Variants in GABPA observed in about 807,000 individuals in gnomAD.
The protein encoded by GABPA is GA binding protein transcription factor subunit alpha.
A neutral mutation model predicts 59.4 loss-of-function variants in GABPA; 4 were observed. The ratio of observed to expected loss-of-function variants is 0.07; its 90% CI spans 0.03 to 0.15. The LOEUF (loss-of-function observed/expected upper bound fraction) is 0.15, where lower values mean the gene tolerates loss of function less well. GABPA is among the 10% of genes least tolerant of loss of function. The pLI is 1.00. For synonymous variants in GABPA, 164 were observed against 183.1 expected, an observed-to-expected ratio of 0.90 and a Z score of 0.84; for missense variants, 251 against 543.8, an observed-to-expected ratio of 0.46 and a Z score of 5.36.
intron 3 of GABPA, among the ~76,000 whole-genome samples, chr21:25,748,704 G>A (rs893089385): frequency 4.6e-5 from 7 of 152,130 alleles, no homozygotes; most frequent in Non-Finnish European, 1.0e-4. Context: ...ATTCATGACA[G>A]ATATAGCATT....
chr21:25,752,277 T>C (rs763516727), intron 5 of GABPA, 43 bp downstream of exon 5: 1 of 1,591,024 alleles, frequency 6.3e-7, no homozygotes, highest in East Asian at 2.2e-5. Flanking sequence ...ATAATAGGAA[T>C]TAAGCTTGAC....
intron 2 of GABPA, among the ~76,000 whole-genome samples, chr21:25,743,491 T>C (rs2035277889): frequency 6.6e-6 from 1 of 152,114 alleles, no homozygotes; most frequent in Non-Finnish European, 1.5e-5. Context: ...TGGTAATTAA[T>C]ATGTATGACC....
intron 5 of GABPA, among the ~76,000 whole-genome samples, chr21:25,757,475 A>G (rs950382585): frequency 2.6e-5 from 4 of 152,220 alleles, no homozygotes; most frequent in Non-Finnish European, 5.9e-5. Context: ...GGGACAGCTG[A>G]GTAAAACAGG....
Position 25,735,052 on chromosome 21 carries a change from C to T in GABPA, c.-553C>T. 7.7e-7 allele frequency: 1 copy of T among 1,301,594 alleles called. No homozygotes were observed. Among genetic ancestry groups the T allele is most frequent in the Middle Eastern group, 1.8e-4 (1 of 5,514 alleles). 80.6% of individuals were successfully genotyped at this position (1,301,594 alleles called of 1,614,324 possible). ...GGGTCTAGGTGAGACAGAAGCCAAA[C>T]AGGAGGAGGAAGTGGAGGGTAAGTG... is the stretch of plus-strand genomic sequence containing the variant. On this transcript the variant is annotated 5_prime_UTR_variant, in exon 1 of 10. Transcript: ENST00000400075.
chr21:25,757,977 G>A (rs752964663), intron 5 of GABPA, 33 bp from the exon 6 acceptor site: 16 of 1,371,380 alleles, frequency 1.2e-5, no homozygotes, highest in Non-Finnish European at 1.5e-5. Flanking sequence ...ATCTAAAATG[G>A]AACTAGGCTA....
chr21:25,758,790 G>A (rs544185675), intron 6 of GABPA, among the ~76,000 whole-genome samples: 1 of 152,260 alleles, frequency 6.6e-6, no homozygotes, highest in Admixed American at 6.5e-5. Context: ...AACTTGTAAG[G>A]CTTCAGACAT....
Position 25,745,253 on chromosome 21 carries a change from G to T in GABPA, c.121G>T (p.Ala41Ser). ...CGCGCCAGCTGAATGTGTAAGCCAG[G>T]CCATAGACATCAATGAACCAATAGG... ...TYAPAECVSQ[A>S]IDINEPIGNL... The change falls in exon 3 of 10, where the codon GCC (alanine) becomes TCC (serine). Residue 41 changes from alanine (A) to serine (S), a missense_variant. By Grantham distance (99) the Ala-to-Ser change is moderately conservative (BLOSUM62 1). Around this residue, in one of 4 missense-constraint regions of GABPA, gnomAD observed 207 missense variants for 366.7 expected, o/e 0.56. Transcript: ENST00000400075. The T allele has an allele frequency of 6.2e-7, 1 of 1,613,954 alleles. No individual in the cohort carries two copies. Among genetic ancestry groups the T allele is most frequent in the Non-Finnish European group, 8.5e-7 (1 of 1,179,918 alleles).
At chr21:25,751,841 C>T (rs2035520546) in intron 4 of GABPA, 148 bp from the exon 5 acceptor site, 2 of 725,704 alleles carry the variant, frequency 2.8e-6, no homozygotes, top group Admixed American at 3.0e-5. Context: ...ATATCCTTCA[C>T]CCAGATTCCC....
chr21:25,746,978 T>G (rs186284599), intron 3 of GABPA, among the ~76,000 whole-genome samples: 5 of 152,316 alleles, frequency 3.3e-5, no homozygotes. Context: ...CAAGGTACGT[T>G]GAGTGAAAAA....
At chr21:25,749,158 C>A (rs369553870) in intron 4 of GABPA, 38 bp downstream of exon 4, 1 of 1,208,696 alleles carries the variant, frequency 8.3e-7, no homozygotes, top group Non-Finnish European at 1.2e-6. Flanking sequence ...AAAATTTTAG[C>A]TCATGTTTTT....
At chr21:25,762,891 C>G (rs553159814) in intron 7 of GABPA, 1 of 267,172 alleles carries the variant, frequency 3.7e-6, no homozygotes, top group East Asian at 9.8e-5. Flanking sequence ...TGTATACATT[C>G]TAATGGATCA....
chr21:25,769,016 T>C lies in GABPA; in HGVS notation c.1149T>C (p.Asp383=), dbSNP rs578177390. Residue 383 remains aspartate, a synonymous_variant, in exon 10 of 10, where the codon GAT becomes GAC. Coordinates refer to ENST00000400075, the MANE Select transcript of GABPA (RefSeq NM_002040.4). The part of the protein sequence containing the change: ...KLSRALRYYY[D]GDMICKVQGK... ...TCTCTTTTTGAAGATATTATTACGA[T>C]GGGGACATGATTTGTAAAGTTCAAG... 3.5e-5 allele frequency: 56 copies of C among 1,610,086 alleles called. No homozygotes were observed. The South Asian group carries it at 4.6e-4, about 13-fold the overall frequency.
chr21:25,745,337 T>C lies in GABPA; in HGVS notation c.205T>C (p.Cys69Arg), dbSNP rs2035334320. ...LQCSLDAHEICLQDIQLDPER... is the reference protein window; with the variant it reads ...LQCSLDAHEIRLQDIQLDPER... ...GTGTTCTTTGGATGCTCATGAAATTTGTCTGCAAGATATCCAGGTAATTTT... is the reference window on the plus strand; with the variant it reads ...GTGTTCTTTGGATGCTCATGAAATTCGTCTGCAAGATATCCAGGTAATTTT... The change falls in exon 3 of 10, where the codon TGT becomes CGT. Residue 69 changes from cysteine to arginine, a missense_variant. Physicochemically the swap from Cys to Arg is radical, Grantham distance 180. Transcript: ENST00000400075. The C allele has an allele frequency of 1.2e-6, 2 of 1,611,570 alleles. No homozygotes were observed. The highest frequency in any genetic ancestry group is 1.3e-5 in the African/African-American group (1 of 74,736).
intron 3 of GABPA, among the ~76,000 whole-genome samples, chr21:25,748,355 G>A (rs2035421357): frequency 6.6e-6 from 1 of 152,186 alleles, no homozygotes; most frequent in South Asian, 2.1e-4. Flanking sequence ...AATTATGCAA[G>A]ATGATTATAA....
At chr21:25,738,441 G>C (rs1292344802) in intron 1 of GABPA, among the ~76,000 whole-genome samples, 2 of 151,906 alleles carry the variant, frequency 1.3e-5, no homozygotes, top group African/African-American at 2.4e-5. Context: ...GTCACTTTTG[G>C]GTATTGGAAA....
chr21:25,742,200 T>C (rs2052372634), intron 2 of GABPA, among the ~76,000 whole-genome samples: 1 of 151,700 alleles, frequency 6.6e-6, no homozygotes, highest in African/African-American at 2.4e-5. Flanking sequence ...ATCATACTTA[T>C]TTGAAAGGAG....
intron 5 of GABPA, 56 bp downstream of exon 5, chr21:25,752,290 A>T (rs1417274944): frequency 6.6e-6 from 10 of 1,516,994 alleles, no homozygotes; most frequent in Non-Finnish European, 9.1e-6. Flanking sequence ...AGCTTGACAT[A>T]GAAGACACTA....
intron 3 of GABPA, among the ~76,000 whole-genome samples, chr21:25,748,171 G>C (rs997055607): frequency 6.6e-6 from 1 of 152,178 alleles, no homozygotes; most frequent in Non-Finnish European, 1.5e-5. Context: ...CTCCCAAAGT[G>C]CTGGGATTAC....
At chr21:25,767,563 T>C (rs1003410196) in intron 9 of GABPA, among the ~76,000 whole-genome samples, 1 of 152,022 alleles carries the variant, frequency 6.6e-6, no homozygotes, top group Non-Finnish European at 1.5e-5. Flanking sequence ...TACCAAGAAA[T>C]ATGATTATGC....
Sources: gnomAD v4.1 joint callset for allele counts (sites outside exome capture counted in the v4.1 genomes callset) on GRCh38, gnomAD v4.1.1 for gene constraint, gnomAD v4.1.1 regional missense constraint, MANE v1.5 for transcripts, NCBI Gene and HGNC (gene_info 2026-07-23, HGNC 2026-07-21) for gene names.